Variants in CDH13 observed in about 807,000 individuals in gnomAD.
CDH13 encodes the protein cadherin 13, also known as cadherin-13.
Under a neutral mutation model 63.8 loss-of-function variants are expected in CDH13, and 24 were observed. That is an observed-to-expected ratio of 0.38 (90% CI 0.27 to 0.53). The LOEUF (loss-of-function observed/expected upper bound fraction) is 0.53. CDH13 is among the 20% of genes least tolerant of loss of function. The pLI is 0.85. For missense variants in CDH13, 1,049 were observed against 903.1 expected (o/e 1.16, Z -2.07); for synonymous variants, 503 against 355.3 (o/e 1.42, Z -4.67).
chr16:83,530,129 G>T lies in CDH13; in HGVS notation c.960+43474G>T, dbSNP rs151214823. ...GTACCTGTTCCTGCTGGCCCTTGAA[G>T]AGGTTCATATATTTGAAATGAGCAT... On this transcript the variant is annotated intron_variant, in intron 7 of 13. Coordinates refer to ENST00000567109, the MANE Select transcript of CDH13 (RefSeq NM_001257.5). Among the ~76,000 whole-genome samples, 1,124 of 152,286 alleles carry T rather than the reference G, an allele frequency of 7.4e-3. 18 individuals are homozygous for T. Among genetic ancestry groups the T allele is most frequent in the African/African-American group, 0.025 (1,047 of 41,548 alleles).
chr16:83,213,223 T>C (rs1055140591), intron 4 of CDH13, among the ~76,000 whole-genome samples: 30 of 152,208 alleles, frequency 2.0e-4, no homozygotes, highest in African/African-American at 7.2e-4. Context: ...CTCTAAGACC[T>C]TTGTGTCTGT....
At chr16:83,150,578 A>G (rs1036705461) in intron 4 of CDH13, among the ~76,000 whole-genome samples, 1 of 152,202 alleles carries the variant, frequency 6.6e-6, no homozygotes, top group African/African-American at 2.4e-5. Flanking sequence ...GTCTCAGCTT[A>G]GAAATTACTT....
intron 1 of CDH13, among the ~76,000 whole-genome samples, chr16:82,698,708 C>G (rs1181554323): frequency 6.6e-6 from 1 of 152,138 alleles, no homozygotes; most frequent in East Asian, 1.9e-4. Context: ...AGGGAGGGCA[C>G]TGAATAGCTC....
At chr16:82,763,092 A>G (rs2034914169) in intron 1 of CDH13, among the ~76,000 whole-genome samples, 1 of 152,194 alleles carries the variant, frequency 6.6e-6, no homozygotes, top group African/African-American at 2.4e-5. Context: ...CACCAGCCCC[A>G]GAACACCCCA....
In CDH13 at chr16:82,627,060, G is replaced by T; in HGVS notation, c.-33G>T. On this transcript the variant is annotated 5_prime_UTR_variant, in exon 1 of 14. The change abolishes an upstream ATG in the 5' untranslated region. Coordinates refer to ENST00000567109, the MANE Select transcript of CDH13 (RefSeq NM_001257.5). ...GCTCAGTGCAGCCGCGTGCATGAAT[G>T]AAAACGCCGCCGGGCGCTTCTAGTC... is the stretch of plus-strand genomic sequence containing the variant. The T allele has an allele frequency of 6.3e-7, 1 of 1,580,592 alleles. No homozygotes were observed. Among genetic ancestry groups the T allele is most frequent in the East Asian group, 2.3e-5 (1 of 43,036 alleles).
chr16:83,647,156 A>G (rs1272800448), intron 8 of CDH13, among the ~76,000 whole-genome samples: 1 of 151,698 alleles, frequency 6.6e-6, no homozygotes, highest in Non-Finnish European at 1.5e-5. Context: ...TAAAAACACA[A>G]AAAATTAGCC....
At chr16:82,894,846 A>G (rs897706225) in intron 2 of CDH13, among the ~76,000 whole-genome samples, 5 of 152,212 alleles carry the variant, frequency 3.3e-5, no homozygotes, top group African/African-American at 1.2e-4. Context: ...TGCTCTAACC[A>G]GAGAGGAAGA....
chr16:82,843,921 G>A (rs537369842), intron 1 of CDH13, among the ~76,000 whole-genome samples: 1 of 152,334 alleles, frequency 6.6e-6, no homozygotes, highest in South Asian at 2.1e-4. Context: ...TGATTTCACA[G>A]GTAAATATTG....
intron 1 of CDH13, among the ~76,000 whole-genome samples, chr16:82,834,383 C>G (rs895512433): frequency 6.6e-6 from 1 of 152,070 alleles, no homozygotes; most frequent in African/African-American, 2.4e-5. Flanking sequence ...CTTTATCTGT[C>G]GATTCAAAGA....
intron 4 of CDH13, among the ~76,000 whole-genome samples, chr16:83,170,546 G>A (rs964982016): frequency 2.0e-5 from 3 of 152,044 alleles, no homozygotes; most frequent in Non-Finnish European, 4.4e-5. Context: ...AGATTTTCCG[G>A]ACAGCTATCT....
At chr16:83,530,274 A>G (rs1164613925) in intron 7 of CDH13, among the ~76,000 whole-genome samples, 2 of 152,316 alleles carry the variant, frequency 1.3e-5, no homozygotes, top group East Asian at 1.9e-4. Context: ...AGTGCACTGT[A>G]AAGTCAGTCT....
chr16:82,930,086 C>T (rs1323405095), intron 2 of CDH13, among the ~76,000 whole-genome samples: 1 of 137,940 alleles, frequency 7.2e-6, no homozygotes, highest in African/African-American at 2.6e-5. Flanking sequence ...ACTCTGTTGC[C>T]CAGGCTGGAG....
At chr16:83,696,272 G>C (rs1319815698) in intron 10 of CDH13, among the ~76,000 whole-genome samples, 1 of 152,202 alleles carries the variant, frequency 6.6e-6, no homozygotes, top group Non-Finnish European at 1.5e-5. Context: ...GTCATGCTCA[G>C]TAGAGTGTGC....
At chr16:83,572,842 A>G (rs1193200739) in intron 7 of CDH13, among the ~76,000 whole-genome samples, 4 of 152,198 alleles carry the variant, frequency 2.6e-5, no homozygotes, top group South Asian at 2.1e-4. Context: ...GATTTGATGC[A>G]TTTAAAATTT....
At chr16:83,514,905 T>G (rs932791890) in intron 7 of CDH13, among the ~76,000 whole-genome samples, 2 of 152,176 alleles carry the variant, frequency 1.3e-5, no homozygotes, top group African/African-American at 4.8e-5. Context: ...TCTGTTGTTT[T>G]GAGCCCCTCC....
Position 82,809,313 on chromosome 16 carries a change from C to A in CDH13, c.46-49049C>A, listed in dbSNP as rs1383768971. On this transcript the variant is annotated intron_variant, in intron 1 of 13. Coordinates refer to ENST00000567109, the MANE Select transcript of CDH13 (RefSeq NM_001257.5). ...GACCACCTCTCAAGTTATTTACGTC[C>A]AAAAAAAAAAAATCACTGTAAATGA... Among the ~76,000 whole-genome samples the A allele has an allele frequency of 2.6e-4, 39 of 149,194 alleles. 1 individual carries two copies. Among genetic ancestry groups the A allele is most frequent in the South Asian group, 2.1e-4 (1 of 4,744 alleles).
intron 2 of CDH13, among the ~76,000 whole-genome samples, chr16:82,949,271 T>C (rs1905057187): frequency 6.6e-6 from 1 of 152,198 alleles, no homozygotes; most frequent in Non-Finnish European, 1.5e-5. Flanking sequence ...CAGGTGTTCC[T>C]TGGCTTGTAG....
intron 8 of CDH13, among the ~76,000 whole-genome samples, chr16:83,647,335 A>G (rs753832446): frequency 2.7e-5 from 4 of 150,058 alleles, no homozygotes; most frequent in Non-Finnish European, 5.9e-5. Context: ...AAAAAAAATT[A>G]CACTAGCATC....
At position 83,672,775 on chromosome 16, in the gene CDH13, T is replaced by C. The variant is rs149824465; in HGVS notation, c.1284+1803T>C. Among the ~76,000 whole-genome samples the C allele has an allele frequency of 1.4e-3, 213 of 152,270 alleles. 1 individual carries two copies. Among genetic ancestry groups the C allele is most frequent in the African/African-American group, 4.9e-3 (205 of 41,566 alleles). On this transcript the variant is annotated intron_variant, in intron 9 of 13. Coordinates refer to ENST00000567109, the MANE Select transcript of CDH13 (RefSeq NM_001257.5). ...TTCCTTGAGCTGTAGCAAACACATT[T>C]TGGGGAGGCCTGAGCTCCAGGATAT...
Sources: allele counts gnomAD v4.1 joint callset (sites outside exome capture counted in the v4.1 genomes callset), GRCh38; gene constraint gnomAD v4.1.1; transcripts MANE v1.5; gene names NCBI Gene and HGNC (gene_info 2026-07-23, HGNC 2026-07-21).